AAK1: variants seen among roughly 807,000 people sequenced by gnomAD.
AAK1 encodes AP2-associated protein kinase 1.
AAK1 carries 37 observed loss-of-function variants against 116.0 expected under a neutral mutation model. The observed-to-expected ratio is 0.32, with a 90% CI of 0.25 to 0.42. The LOEUF (loss-of-function observed/expected upper bound fraction) is 0.42, where lower values mean the gene tolerates loss of function less well. Ranked by LOEUF, AAK1 falls within the 10% of genes least tolerant of loss-of-function variation. The pLI, the probability that AAK1 is intolerant of heterozygous loss-of-function variation, is 1.00. For synonymous variants in AAK1, 458 were observed against 439.9 expected, an observed-to-expected ratio of 1.04 and a Z score of -0.51; for missense variants, 919 against 1,170.6, an observed-to-expected ratio of 0.79 and a Z score of 3.14.
chr2:69,476,132 T>C (rs959281281), intron 21 of AAK1, among the ~76,000 whole-genome samples, 169 bp from the exon 22 acceptor site: 13 of 152,070 alleles, frequency 8.5e-5, no homozygotes, highest in African/African-American at 3.1e-4. Context: ...CCCTTACACG[T>C]TGATTTTGAA....
At chr2:69,571,103 G>C (rs754477317) in intron 2 of AAK1, among the ~76,000 whole-genome samples, 9 of 152,136 alleles carry the variant, frequency 5.9e-5, no homozygotes, top group Non-Finnish European at 8.8e-5. Flanking sequence ...CACAGGGCAA[G>C]GATTTTATTT....
intron 2 of AAK1, among the ~76,000 whole-genome samples, chr2:69,588,423 C>T (rs1021581779): frequency 5.9e-5 from 9 of 152,188 alleles, no homozygotes; most frequent in African/African-American, 2.2e-4. Flanking sequence ...ACATCAGTTT[C>T]CCCATCCCTT....
Position 69,473,146 on chromosome 2 carries a change from T to C in AAK1, c.*2723A>G. ...CAGCAACTCTGAGAGGTGAAGTGCC[T>C]GCTGAAGGTCACTCAGCCAGTGGCT... On this transcript the variant is annotated 3_prime_UTR_variant, in exon 22 of 22. Transcript: ENST00000409085. 2.5e-6 allele frequency: 2 copies of C among 800,672 alleles called. No homozygotes were observed. Among genetic ancestry groups the C allele is most frequent in the Non-Finnish European group, 3.0e-6 (2 of 661,376 alleles). 49.6% of individuals were successfully genotyped at this position (800,672 alleles called of 1,614,324 possible). A position where few individuals can be genotyped will look rare whatever the true frequency, so the allele number is the denominator to read the frequency against.
At chr2:69,637,742 T>C (rs1287585698) in intron 2 of AAK1, among the ~76,000 whole-genome samples, 2 of 152,182 alleles carry the variant, frequency 1.3e-5, no homozygotes, top group African/African-American at 4.8e-5. Flanking sequence ...TATTGCAAGT[T>C]AAAATGACGG....
At chr2:69,524,979 C>T in intron 10 of AAK1, 54 bp downstream of exon 10, 3 of 1,517,194 alleles carry the variant, frequency 2.0e-6, no homozygotes, top group Non-Finnish European at 2.7e-6. Flanking sequence ...AGGCATCATT[C>T]CCTGCTGCTG....
Position 69,465,905 on chromosome 2 carries a change from G to A in AAK1, c.*9964C>T, listed in dbSNP as rs1674470983. On this transcript the variant is annotated 3_prime_UTR_variant, in exon 22 of 22. Transcript: ENST00000409085. The stretch of plus-strand genomic sequence containing the variant: ...GCAGGGGGACATCACCTGTCTGACT[G>A]AGGAGACCGGTCTGTGCAGGCAGCT... 1 of 1,290,870 alleles carries A rather than the reference G, an allele frequency of 7.7e-7. No homozygotes were observed. The highest frequency in any genetic ancestry group is 1.5e-5 in the African/African-American group (1 of 65,950). 80.0% of individuals were successfully genotyped at this position (1,290,870 alleles called of 1,614,324 possible).
chr2:69,526,975 G>A (rs1295818573), intron 9 of AAK1, among the ~76,000 whole-genome samples: 2 of 152,128 alleles, frequency 1.3e-5, no homozygotes, highest in Non-Finnish European at 2.9e-5. Context: ...CATCCAAAGC[G>A]TCCAACTCAA....
chr2:69,465,523 C>G lies in AAK1; in HGVS notation c.*10346G>C. ...CTGGAGGAAAGGGATGTGATAGAAA[C>G]AGACCCAGCTATCGACTGCTTGTTG... On this transcript the variant is annotated 3_prime_UTR_variant, in exon 22 of 22. Transcript: ENST00000409085. 6.2e-6 allele frequency: 8 copies of G among 1,290,968 alleles called. No individual in the cohort carries two copies. The highest frequency in any genetic ancestry group is 8.1e-6 in the Non-Finnish European group (8 of 988,884). 80.0% of individuals were successfully genotyped at this position (1,290,968 alleles called of 1,614,324 possible).
Position 69,469,807 on chromosome 2 carries a change from A to T in AAK1, c.*6062T>A, listed in dbSNP as rs1340012420. On this transcript the variant is annotated 3_prime_UTR_variant, in exon 22 of 22. Coordinates refer to ENST00000409085, the MANE Select transcript of AAK1 (RefSeq NM_014911.5). Reference sequence around the variant, plus strand: ...AAACATACTTCTTTTTCTTGCTCTGATGTAGGACTGTGTGCCAGGTTAGGC... The same window carrying T: ...AAACATACTTCTTTTTCTTGCTCTGTTGTAGGACTGTGTGCCAGGTTAGGC... The T allele has an allele frequency of 2.0e-6, 2 of 985,438 alleles. No homozygotes were observed. Among genetic ancestry groups the T allele is most frequent in the East Asian group, 2.3e-4 (2 of 8,820 alleles). The allele number at this position is 985,438 out of a possible 1,614,324, so 61.0% of individuals were successfully genotyped here.
chr2:69,630,328 T>TG (rs1333659349), intron 2 of AAK1, among the ~76,000 whole-genome samples: 2 of 13,708 alleles, frequency 1.5e-4, no homozygotes, highest in Non-Finnish European at 2.9e-4. Context: ...ATACTCTGAG[T>TG]GGGGCGGGGG....
intron 2 of AAK1, among the ~76,000 whole-genome samples, chr2:69,583,714 C>T: frequency 6.6e-6 from 1 of 152,146 alleles, no homozygotes; most frequent in East Asian, 1.9e-4. Flanking sequence ...GATATGTGTA[C>T]AATTTTTTCA....
Position 69,483,631 on chromosome 2 carries a change from A to G in AAK1, c.2366-819T>C, listed in dbSNP as rs541468980. ...GTTGGGGGGGACTTTATTTAGAAACAGTTTATAACTCACCAAGATAATCAA... is the reference window on the plus strand; with the variant it reads ...GTTGGGGGGGACTTTATTTAGAAACGGTTTATAACTCACCAAGATAATCAA... On this transcript the variant is annotated intron_variant, in intron 17 of 21. Coordinates refer to ENST00000409085, the MANE Select transcript of AAK1 (RefSeq NM_014911.5). Among the ~76,000 whole-genome samples the G allele has an allele frequency of 4.6e-5, 7 of 152,292 alleles. No homozygotes were observed. The East Asian group carries it at 1.3e-3, about 29-fold the overall frequency.
intron 16 of AAK1, among the ~76,000 whole-genome samples, chr2:69,498,635 C>A (rs930809938): frequency 1.3e-5 from 2 of 152,100 alleles, no homozygotes; most frequent in Non-Finnish European, 2.9e-5. Flanking sequence ...CTTAATGCTA[C>A]CTCCTCAGGG....
Position 69,497,574 on chromosome 2 carries a change from A to G in AAK1, c.2270-1494T>C, listed in dbSNP as rs141231341. On this transcript the variant is annotated intron_variant, in intron 16 of 21. Transcript: ENST00000409085. Reference sequence around the variant, plus strand: ...CTCGGCCTCCCAAAGTGCTGGGATTACAGGCGTGAGCCACCGTGCCCAGCC... The same window carrying G: ...CTCGGCCTCCCAAAGTGCTGGGATTGCAGGCGTGAGCCACCGTGCCCAGCC... Among the ~76,000 whole-genome samples the G allele has an allele frequency of 8.4e-3, 1,285 of 152,132 alleles. 20 individuals carry two copies. The highest frequency in any genetic ancestry group is 0.029 in the African/African-American group (1,204 of 41,520).
In AAK1 at chr2:69,466,593, CA is replaced by C. The variant is rs1181470421; in HGVS notation, c.*9275del. The C allele has an allele frequency of 1.7e-6, 2 of 1,147,270 alleles. No homozygotes were observed. Among genetic ancestry groups the C allele is most frequent in the Non-Finnish European group, 2.2e-6 (2 of 918,798 alleles). The allele number at this position is 1,147,270 out of a possible 1,614,324, so 71.1% of individuals were successfully genotyped here. A position where few individuals can be genotyped will look rare whatever the true frequency, so the allele number is the denominator to read the frequency against. Reference sequence around the variant, plus strand: ...TGCAGAATTAATGTGTAGGTCAATTCAACTCTATTTGGAACATTTAATGGTC... The same window carrying C: ...TGCAGAATTAATGTGTAGGTCAATTCACTCTATTTGGAACATTTAATGGTC... On this transcript the variant is annotated 3_prime_UTR_variant, in exon 22 of 22. Coordinates refer to ENST00000409085, the MANE Select transcript of AAK1 (RefSeq NM_014911.5).
intron 16 of AAK1, among the ~76,000 whole-genome samples, chr2:69,502,239 T>C (rs910044660): frequency 6.6e-6 from 1 of 152,126 alleles, no homozygotes; most frequent in Non-Finnish European, 1.5e-5. Context: ...AAAGATAATA[T>C]GTGACATATG....
At chr2:69,488,149 C>CGTGTGTGTGT (rs58575925) in intron 17 of AAK1, among the ~76,000 whole-genome samples, 2,794 of 144,638 alleles carry the variant, frequency 0.019, 56 homozygotes, top group African/African-American at 0.042. Flanking sequence ...TGTGTGTGGA[C>CGTGTGTGTGT]GTGTGTGTGT....
intron 2 of AAK1, among the ~76,000 whole-genome samples, chr2:69,570,502 T>C (rs1237449939): frequency 6.6e-6 from 1 of 152,058 alleles, no homozygotes; most frequent in South Asian, 2.1e-4. Flanking sequence ...CACTCTTTTC[T>C]GCCGTAGAAA....
chr2:69,511,074 T>C (rs1558922462), intron 13 of AAK1, among the ~76,000 whole-genome samples: 1 of 152,206 alleles, frequency 6.6e-6, no homozygotes, highest in Non-Finnish European at 1.5e-5. Flanking sequence ...CTTTACACTA[T>C]CAACCTAGAG....
Sources: allele counts gnomAD v4.1 joint callset (sites outside exome capture counted in the v4.1 genomes callset), GRCh38; gene constraint gnomAD v4.1.1; transcripts MANE v1.5; gene names NCBI Gene and HGNC (gene_info 2026-07-23, HGNC 2026-07-21).